MGST1: variants seen among roughly 807,000 people sequenced by gnomAD.
MGST1 encodes the protein glutathione S-transferase 12.
MGST1 carries 5 observed loss-of-function variants against 8.9 expected under a neutral mutation model. That is an observed-to-expected ratio of 0.56 (90% CI 0.29 to 1.19). The LOEUF is 1.19. MGST1 is among the 50% of genes most tolerant of loss of function. The pLI is 0.08. For missense variants in MGST1, 182 were observed against 187.4 expected, an observed-to-expected ratio of 0.97 and a Z score of 0.17; for synonymous variants, 54 against 67.8, an observed-to-expected ratio of 0.80 and a Z score of 1.00.
At chr12:16,532,914 A>G (rs1941731195) in intron 4 of MGST1, among the ~76,000 whole-genome samples, 2 of 152,150 alleles carry the variant, frequency 1.3e-5, no homozygotes, top group Non-Finnish European at 2.9e-5. Context: ...TGGCTCACCT[A>G]GGACCTGCTC....
intron 4 of MGST1, among the ~76,000 whole-genome samples, chr12:16,444,637 T>C (rs1941065445): frequency 6.6e-6 from 1 of 152,040 alleles, no homozygotes; most frequent in East Asian, 1.9e-4. Context: ...CAGCTGGTTA[T>C]ATAGAATGTT....
Position 16,401,983 on chromosome 12 carries a change from T to G in MGST1, n.778+18379T>G, listed in dbSNP as rs1489123249. ...TTGAGGCAGTCATTCCAGCTCTTCA[T>G]GAACTCTCCAGGGAATTTGTCTTTG... On this transcript the variant is annotated intron_variant and non_coding_transcript_variant, in intron 1 of 1. Transcript: ENST00000359720. The surrounding 1 kb of genome is among the most constrained non-coding windows in gnomAD (Gnocchi z 4.3). 1 of 1,612,120 alleles carries G rather than the reference T, an allele frequency of 6.2e-7. No individual in the cohort carries two copies. The highest frequency in any genetic ancestry group is 8.5e-7 in the Non-Finnish European group (1 of 1,178,282).
At chr12:16,476,354 A>G (rs1315099145) in intron 4 of MGST1, among the ~76,000 whole-genome samples, 5 of 152,230 alleles carry the variant, frequency 3.3e-5, no homozygotes, top group African/African-American at 1.2e-4. Context: ...CTACAAGTAT[A>G]TAATCATAAT....
At chr12:16,457,583 A>C (rs1265193441) in intron 4 of MGST1, among the ~76,000 whole-genome samples, 2 of 151,894 alleles carry the variant, frequency 1.3e-5, no homozygotes, top group African/African-American at 4.8e-5. Context: ...TGGTCCATCT[A>C]TTATTATATT....
intron 4 of MGST1, among the ~76,000 whole-genome samples, chr12:16,561,868 A>C (rs1172490368): frequency 6.6e-6 from 1 of 152,234 alleles, no homozygotes; most frequent in African/African-American, 2.4e-5. Flanking sequence ...GAAACAATAA[A>C]TGCATTTTAA....
chr12:16,368,038 G>T (rs930463311), downstream of MGST1, among the ~76,000 whole-genome samples: 1 of 151,408 alleles, frequency 6.6e-6, no homozygotes, highest in Non-Finnish European at 1.5e-5. Flanking sequence ...TCTATGCTGA[G>T]TTTAGCTAGG....
chr12:16,407,686 A>C (rs1477460151), intron 1 of MGST1, among the ~76,000 whole-genome samples: 4 of 152,098 alleles, frequency 2.6e-5, no homozygotes, highest in Admixed American at 2.6e-4. Context: ...TTTGTGAACT[A>C]GATAAAAAAA....
chr12:16,355,453 C>T (rs1351329316), intron 2 of MGST1, among the ~76,000 whole-genome samples: 2 of 152,148 alleles, frequency 1.3e-5, no homozygotes, highest in Non-Finnish European at 2.9e-5. Context: ...AGGTGATCCA[C>T]CCACCTTGGC....
At chr12:16,569,828 G>A (rs1276381494) in intron 4 of MGST1, among the ~76,000 whole-genome samples, 1 of 152,048 alleles carries the variant, frequency 6.6e-6, no homozygotes, top group Non-Finnish European at 1.5e-5. Context: ...AAAAGAAACA[G>A]TAAAATAAAG....
At chr12:16,360,703 G>A (rs1939948468) in intron 3 of MGST1, among the ~76,000 whole-genome samples, 1 of 152,162 alleles carries the variant, frequency 6.6e-6, no homozygotes, top group African/African-American at 2.4e-5. Flanking sequence ...TTGGTATTTA[G>A]GGACAGGAGA....
rs1941762269 is a variant in MGST1 at position 16,537,360 on chromosome 12, C to A, written n.483-52168C>A. Among the ~76,000 whole-genome samples the A allele has an allele frequency of 6.6e-6, 1 of 152,144 alleles. No individual in the cohort carries two copies. The highest frequency in any genetic ancestry group is 1.5e-5 in the Non-Finnish European group (1 of 68,016). ...CCCCTCTCCTGGCTGCTTTCATGGG[C>A]TGGTTTTGAGTATCTGTGGCTTTTC... On this transcript the variant is annotated intron_variant and non_coding_transcript_variant, in intron 4 of 4. Transcript: ENST00000538857. This position sits in a 1 kb window ranked among gnomAD's most constrained non-coding sequence, Gnocchi z 4.6.
At chr12:16,437,226 C>A (rs1034431976) in intron 1 of MGST1, among the ~76,000 whole-genome samples, 6 of 151,836 alleles carry the variant, frequency 4.0e-5, no homozygotes, top group African/African-American at 1.2e-4. Context: ...TGACTCTAAT[C>A]AACAAAAGGG....
At chr12:16,571,885 T>C (rs1159263473) in intron 4 of MGST1, among the ~76,000 whole-genome samples, 1 of 152,070 alleles carries the variant, frequency 6.6e-6, no homozygotes, top group Admixed American at 6.6e-5. Flanking sequence ...GCATATAACT[T>C]TTATTTAATA....
At chr12:16,372,818 T>G (rs940205716) in intron 3 of MGST1, among the ~76,000 whole-genome samples, 1 of 150,252 alleles carries the variant, frequency 6.7e-6, no homozygotes, top group Non-Finnish European at 1.5e-5. Context: ...GATGTGTGTG[T>G]GTATAATATA....
At chr12:16,414,539 C>A (rs1029180716) in intron 1 of MGST1, among the ~76,000 whole-genome samples, 1 of 151,790 alleles carries the variant, frequency 6.6e-6, no homozygotes, top group African/African-American at 2.4e-5. Context: ...CCTCAGCCTC[C>A]CAAGTAGCTG....
chr12:16,400,063 G>A (rs1329703816), intron 1 of MGST1: 6 of 1,582,244 alleles, frequency 3.8e-6, no homozygotes, highest in South Asian at 1.1e-5. Context: ...CTTAGTTAGA[G>A]CCTCTACTTT....
At chr12:16,561,189 A>T (rs945347257) in intron 4 of MGST1, among the ~76,000 whole-genome samples, 3 of 152,048 alleles carry the variant, frequency 2.0e-5, no homozygotes, top group African/African-American at 4.8e-5. Context: ...TCTAGGATTT[A>T]AAAAAAATTC....
At chr12:16,356,527 C>T (rs187037363) in intron 2 of MGST1, among the ~76,000 whole-genome samples, 2 of 152,144 alleles carry the variant, frequency 1.3e-5, no homozygotes, top group Admixed American at 1.3e-4. Flanking sequence ...ATGTTCATAT[C>T]ATATTAAGAA....
rs1939781653 is a variant in MGST1, at chr12:16,357,655, C to T, written c.177C>T (p.Ala59=). Residue 59 remains alanine, a synonymous_variant, in exon 3 of 4, where the codon GCC becomes GCT. Transcript: ENST00000396210. ...DCVAFGKGEN[A]KKYLRTDDRV... ...TAGCATTTGGCAAAGGAGAAAATGC[C>T]AAGAAGTATCTTCGAACAGATGACA... The T allele has an allele frequency of 5.0e-6, 8 of 1,613,834 alleles. No individual in the cohort carries two copies. Among genetic ancestry groups the T allele is most frequent in the Non-Finnish European group, 6.8e-6 (8 of 1,179,914 alleles).
Sources: gnomAD v4.1 joint callset for allele counts (sites outside exome capture counted in the v4.1 genomes callset) on GRCh38, gnomAD v4.1.1 for gene constraint, Gnocchi (gnomAD v3.1) non-coding constraint, MANE v1.5 for transcripts, NCBI Gene and HGNC (gene_info 2026-07-23, HGNC 2026-07-21) for gene names.